ARPC2: variants seen among roughly 807,000 people sequenced by gnomAD.
ARPC2 encodes the protein actin related protein 2/3 complex subunit 2.
A neutral mutation model predicts 38.6 loss-of-function variants in ARPC2; 4 were observed. The observed-to-expected ratio is 0.10, with a 90% CI of 0.05 to 0.24. The LOEUF (loss-of-function observed/expected upper bound fraction) is 0.24, where lower values mean the gene tolerates loss of function less well. ARPC2 is among the 10% of genes least tolerant of loss of function. The pLI, the probability that ARPC2 is intolerant of heterozygous loss-of-function variation, is 1.00. For missense variants in ARPC2, 229 were observed against 387.3 expected (o/e 0.59, Z 3.43); for synonymous variants, 125 against 140.8 (o/e 0.89, Z 0.79).
chr2:218,234,250 C>A, intron 4 of ARPC2, 102 bp from the exon 5 acceptor site: 2 of 875,698 alleles, frequency 2.3e-6, no homozygotes, highest in Non-Finnish European at 3.5e-6. Flanking sequence ...AGGAAGAATG[C>A]CAACTTAGGA....
At chr2:218,227,506 G>A (rs533958927) in intron 3 of ARPC2, among the ~76,000 whole-genome samples, 6 of 151,340 alleles carry the variant, frequency 4.0e-5, no homozygotes, top group Non-Finnish European at 8.8e-5. Context: ...GCTCACTGCC[G>A]CCTCCACCTC....
chr2:218,217,323 TC>T, intron 1 of ARPC2, 69 bp downstream of exon 1: 1 of 684,826 alleles, frequency 1.5e-6, no homozygotes, highest in South Asian at 1.7e-5. Context: ...TACCCTTCCC[TC>T]CACCCCGGCC....
chr2:218,248,302 C>G (rs1334585202), intron 8 of ARPC2, among the ~76,000 whole-genome samples: 1 of 152,222 alleles, frequency 6.6e-6, no homozygotes, highest in Non-Finnish European at 1.5e-5. Context: ...TTCCACACTT[C>G]CTTAGGAGGC....
At chr2:218,251,908 G>A (rs1690201283) in intron 10 of ARPC2, among the ~76,000 whole-genome samples, 2 of 152,136 alleles carry the variant, frequency 1.3e-5, no homozygotes, top group Admixed American at 1.3e-4. Context: ...AGTAGGTGAG[G>A]GTTTTCAGAC....
chr2:218,243,356 A>G (rs1458922152), intron 7 of ARPC2, among the ~76,000 whole-genome samples: 1 of 152,238 alleles, frequency 6.6e-6, no homozygotes, highest in Non-Finnish European at 1.5e-5. Flanking sequence ...GAGAGTAAAA[A>G]GGCAATATTG....
At chr2:218,231,651 CG>C (rs1224210393) in intron 4 of ARPC2, among the ~76,000 whole-genome samples, 1 of 152,124 alleles carries the variant, frequency 6.6e-6, no homozygotes, top group Non-Finnish European at 1.5e-5. Context: ...AATTCCTCTT[CG>C]GTAAAAGAAA....
intron 2 of ARPC2, among the ~76,000 whole-genome samples, chr2:218,219,304 C>T (rs1245299944): frequency 2.0e-5 from 3 of 151,332 alleles, no homozygotes; most frequent in Admixed American, 1.3e-4. Flanking sequence ...CTAACCATTT[C>T]GGAGGGATTA....
At chr2:218,234,303 A>G (rs746252557) in intron 4 of ARPC2, 49 bp from the exon 5 acceptor site, 28 of 1,405,764 alleles carry the variant, frequency 2.0e-5, no homozygotes, top group Non-Finnish European at 2.6e-5. Flanking sequence ...TGAAATTATC[A>G]TGGCCTTTGG....
chr2:218,223,024 G>T lies in ARPC2; in HGVS notation c.75-2896G>T, dbSNP rs955483233. Among the ~76,000 whole-genome samples the T allele has an allele frequency of 2.0e-5, 3 of 152,276 alleles. No homozygotes were observed. The South Asian group carries it at 6.2e-4, about 32-fold the overall frequency. On this transcript the variant is annotated intron_variant, in intron 2 of 10. Transcript: ENST00000315717. ...TGCTGCCTGCCCTAAGGGATATGGGGATCATTACCTCAGCATATCTATAAC... is the reference window on the plus strand; with the variant it reads ...TGCTGCCTGCCCTAAGGGATATGGGTATCATTACCTCAGCATATCTATAAC...
chr2:218,226,986 T>TA (rs1254671143), intron 3 of ARPC2: 5 of 456,572 alleles, frequency 1.1e-5, no homozygotes, highest in Admixed American at 2.3e-5. Context: ...TGGTACTATT[T>TA]ACTTGTTAGG....
chr2:218,236,977 TG>T (rs1689787578), intron 5 of ARPC2, among the ~76,000 whole-genome samples: 1 of 152,158 alleles, frequency 6.6e-6, no homozygotes, highest in East Asian at 1.9e-4. Flanking sequence ...CTAGGCAGTT[TG>T]ACACTTATTA....
At chr2:218,226,626 CAAAAAAAAAAAAA>C (rs34789459) in intron 3 of ARPC2, among the ~76,000 whole-genome samples, 8 of 61,464 alleles carry the variant, frequency 1.3e-4, no homozygotes, top group Non-Finnish European at 8.5e-5. Flanking sequence ...GACTCCATCT[CAAAAAAAAAAAAA>C]AAAAAAAAAA....
rs773760021 is a variant in ARPC2 at position 218,217,542 on chromosome 2, C to T, written c.72C>T (p.Ala24=). ...CGCTCAAGTTCGAGAACGCGGCCGC[C>T]GGGTGAGCGCGCGCCCGGGGCCGGG... ...TLALKFENAA[A]GNKPEAVEVT... is the part of the protein sequence containing the mutation. The change falls in exon 2 of 11, where the codon GCC becomes GCT. Residue 24 remains alanine (A), a splice_region_variant and synonymous_variant. Transcript: ENST00000315717. The T allele has an allele frequency of 3.3e-5, 53 of 1,610,962 alleles. No individual in the cohort carries two copies. Among genetic ancestry groups the T allele is most frequent in the Non-Finnish European group, 4.4e-5 (52 of 1,178,660 alleles).
At chr2:218,243,470 C>T (rs181012391) in intron 7 of ARPC2, among the ~76,000 whole-genome samples, 4 of 152,172 alleles carry the variant, frequency 2.6e-5, no homozygotes, top group African/African-American at 9.6e-5. Context: ...GAAGCAAAGA[C>T]ATCAGAGAAT....
intron 7 of ARPC2, among the ~76,000 whole-genome samples, chr2:218,243,278 T>C (rs1689958883): frequency 6.6e-6 from 1 of 152,238 alleles, no homozygotes; most frequent in East Asian, 1.9e-4. Flanking sequence ...TATTCCGAAC[T>C]TCCTATGATA....
chr2:218,247,450 A>G (rs887834566), intron 8 of ARPC2, among the ~76,000 whole-genome samples: 1 of 152,164 alleles, frequency 6.6e-6, no homozygotes, highest in African/African-American at 2.4e-5. Flanking sequence ...TTGATTTACC[A>G]AATTTCATTA....
Position 218,238,656 on chromosome 2 carries a change from C to A in ARPC2, c.269-8C>A. 2 of 1,317,960 alleles carry A rather than the reference C, an allele frequency of 1.5e-6. No homozygotes were observed. Among genetic ancestry groups the A allele is most frequent in the Non-Finnish European group, 9.9e-7 (1 of 1,006,226 alleles). 81.6% of individuals were successfully genotyped at this position (1,317,960 alleles called of 1,614,324 possible). On this transcript the variant is annotated splice_region_variant and splice_polypyrimidine_tract_variant and intron_variant, in intron 5 of 10. Coordinates refer to ENST00000315717, the MANE Select transcript of ARPC2 (RefSeq NM_152862.3). Reference sequence around the variant, plus strand: ...GTTTTTTGTTTCTTGTTTTTTCTTTCCCTCCAGGATACAATGTCTCTTTGC... The same window carrying A: ...GTTTTTTGTTTCTTGTTTTTTCTTTACCTCCAGGATACAATGTCTCTTTGC...
chr2:218,219,596 C>T (rs529349920), intron 2 of ARPC2, among the ~76,000 whole-genome samples: 49 of 152,204 alleles, frequency 3.2e-4, no homozygotes, highest in African/African-American at 1.2e-3. Context: ...GTGACCCGCC[C>T]GCCTCGGCCT....
intron 2 of ARPC2, 100 bp downstream of exon 2, chr2:218,217,644 G>A: frequency 7.7e-7 from 1 of 1,292,590 alleles, no homozygotes; most frequent in South Asian, 1.3e-5. Flanking sequence ...GAGAGAAATG[G>A]GGTGCCTGGC....
Sources: allele counts gnomAD v4.1 joint callset (sites outside exome capture counted in the v4.1 genomes callset), GRCh38; gene constraint gnomAD v4.1.1; transcripts MANE v1.5; gene names NCBI Gene and HGNC (gene_info 2026-07-23, HGNC 2026-07-21).